TMEM135: variants seen among roughly 807,000 people sequenced by gnomAD.
TMEM135 encodes transmembrane protein 135, also known as peroxisomal membrane protein 52.
Under a neutral mutation model 60.3 loss-of-function variants are expected in TMEM135, and 30 were observed. The observed-to-expected ratio is 0.50, with a 90% confidence interval of 0.37 to 0.68. The LOEUF (loss-of-function observed/expected upper bound fraction) is 0.68, where lower values mean the gene tolerates loss of function less well. Among genes scored for constraint, TMEM135 ranks in the 30% least tolerant of loss-of-function variants. The pLI is 0.00. For synonymous variants in TMEM135, 190 were observed against 186.7 expected (o/e 1.02, Z -0.14); for missense variants, 468 against 548.8 (o/e 0.85, Z 1.47).
intron 1 of TMEM135, among the ~76,000 whole-genome samples, chr11:87,043,633 G>T (rs1220509251): frequency 6.6e-6 from 1 of 151,994 alleles, no homozygotes; most frequent in East Asian, 1.9e-4. Context: ...TGAAGCAGGA[G>T]AATCACTTGA....
At chr11:87,179,343 A>G (rs771200173) in intron 5 of TMEM135, among the ~76,000 whole-genome samples, 1 of 152,086 alleles carries the variant, frequency 6.6e-6, no homozygotes, top group Non-Finnish European at 1.5e-5. Context: ...CACTTTCTAA[A>G]TAGTGCTTTT....
At position 87,225,930 on chromosome 11, in the gene TMEM135, C is replaced by T. The variant is rs1257558113; in HGVS notation, c.463-10708C>T. Among the ~76,000 whole-genome samples, 3 of 152,088 alleles carry T rather than the reference C, an allele frequency of 2.0e-5. No homozygotes were observed. In the South Asian group the frequency reaches 6.3e-4, roughly 32 times the overall value. On this transcript the variant is annotated intron_variant, in intron 5 of 14. Coordinates refer to ENST00000305494, the MANE Select transcript of TMEM135 (RefSeq NM_022918.4). The stretch of plus-strand genomic sequence containing the variant: ...TTATTATTATGAATATTGTTTTATT[C>T]CTCCTCTTTTCTTTTTCTCCATGTT...
intron 5 of TMEM135, among the ~76,000 whole-genome samples, chr11:87,158,752 C>T (rs1476805913): frequency 6.6e-6 from 1 of 152,194 alleles, no homozygotes; most frequent in African/African-American, 2.4e-5. Flanking sequence ...GCGTGAGCCA[C>T]CGCGCCCGGC....
At chr11:87,161,609 CT>C (rs1938883489) in intron 5 of TMEM135, among the ~76,000 whole-genome samples, 2 of 152,020 alleles carry the variant, frequency 1.3e-5, no homozygotes, top group African/African-American at 4.8e-5. Flanking sequence ...CATTTAGTTT[CT>C]TTTTATCAGC....
At chr11:87,070,833 G>A (rs1172590967) in intron 2 of TMEM135, among the ~76,000 whole-genome samples, 1 of 152,146 alleles carries the variant, frequency 6.6e-6, no homozygotes, top group African/African-American at 2.4e-5. Flanking sequence ...AGTTATCAAG[G>A]GTTGTGGAAG....
chr11:87,145,034 G>A (rs1938376013), intron 4 of TMEM135, among the ~76,000 whole-genome samples: 2 of 151,990 alleles, frequency 1.3e-5, no homozygotes, highest in African/African-American at 4.8e-5. Context: ...ACCATGTAGT[G>A]CAATAGTACT....
chr11:87,121,886 C>T (rs1047011517), intron 4 of TMEM135, among the ~76,000 whole-genome samples: 1 of 152,132 alleles, frequency 6.6e-6, no homozygotes, highest in Non-Finnish European at 1.5e-5. Context: ...GTGATGCGCT[C>T]GCCTAAGCCT....
intron 4 of TMEM135, among the ~76,000 whole-genome samples, chr11:87,104,025 G>A (rs1459055706): frequency 1.3e-5 from 2 of 152,060 alleles, no homozygotes; most frequent in Admixed American, 6.6e-5. Flanking sequence ...GTGCCATGAA[G>A]CTTTTGCCCT....
At chr11:87,178,105 T>C (rs576768179) in intron 5 of TMEM135, among the ~76,000 whole-genome samples, 2 of 152,268 alleles carry the variant, frequency 1.3e-5, no homozygotes, top group African/African-American at 2.4e-5. Flanking sequence ...GATTAAATTA[T>C]TGGCCATGTG....
intron 4 of TMEM135, among the ~76,000 whole-genome samples, chr11:87,148,988 C>T (rs1337086962): frequency 2.6e-5 from 4 of 151,370 alleles, no homozygotes; most frequent in African/African-American, 7.3e-5. Flanking sequence ...TTGCTTTAAA[C>T]GTTTTAAAAA....
At chr11:87,042,024 A>G (rs1163763737) in intron 1 of TMEM135, among the ~76,000 whole-genome samples, 1 of 152,240 alleles carries the variant, frequency 6.6e-6, no homozygotes, top group Non-Finnish European at 1.5e-5. Context: ...CTGAAGGTTC[A>G]CCAAAAATCA....
chr11:87,176,134 GC>G (rs1288837145), intron 5 of TMEM135, among the ~76,000 whole-genome samples: 7 of 152,192 alleles, frequency 4.6e-5, no homozygotes, highest in Non-Finnish European at 7.4e-5. Context: ...TGGAGGTGGG[GC>G]CTAATGGGAG....
At chr11:87,301,342 T>C (rs1942445217) in intron 7 of TMEM135, among the ~76,000 whole-genome samples, 1 of 152,044 alleles carries the variant, frequency 6.6e-6, no homozygotes, top group Admixed American at 6.6e-5. Context: ...TAGCCTTTAA[T>C]TCCTAAGCTC....
intron 5 of TMEM135, among the ~76,000 whole-genome samples, chr11:87,210,699 A>G (rs1240057568): frequency 6.6e-6 from 1 of 152,184 alleles, no homozygotes; most frequent in Non-Finnish European, 1.5e-5. Flanking sequence ...GCAACAAAAA[A>G]GGAAAACTTA....
At chr11:87,047,703 G>A (rs903143473) in intron 1 of TMEM135, among the ~76,000 whole-genome samples, 1 of 122,014 alleles carries the variant, frequency 8.2e-6, no homozygotes, top group Non-Finnish European at 1.7e-5. Flanking sequence ...ACAGCAGTCT[G>A]AGATCAAACT....
intron 4 of TMEM135, among the ~76,000 whole-genome samples, chr11:87,126,470 CAATT>C (rs1407658381): frequency 1.3e-5 from 2 of 151,686 alleles, no homozygotes; most frequent in African/African-American, 2.4e-5. Flanking sequence ...ATAATTGAAA[CAATT>C]ACATTAACTT....
intron 5 of TMEM135, among the ~76,000 whole-genome samples, chr11:87,214,593 A>G (rs1940456671): frequency 6.6e-6 from 1 of 151,444 alleles, no homozygotes; most frequent in Admixed American, 6.6e-5. Flanking sequence ...TCTTTTGGCT[A>G]CAGCACCAGG....
intron 4 of TMEM135, among the ~76,000 whole-genome samples, chr11:87,123,359 G>A (rs74344433): frequency 0.1 from 15,680 of 152,106 alleles, 840 homozygotes; most frequent in African/African-American, 0.12. Context: ...GTTTATAGCC[G>A]CATCATTCTA....
intron 1 of TMEM135, among the ~76,000 whole-genome samples, chr11:87,061,066 G>T (rs920637952): frequency 1.3e-5 from 2 of 152,052 alleles, no homozygotes; most frequent in Non-Finnish European, 2.9e-5. Flanking sequence ...AAATAGTTGT[G>T]GGGTAAAGAT....
Sources: allele counts gnomAD v4.1 joint callset (sites outside exome capture counted in the v4.1 genomes callset), GRCh38; gene constraint gnomAD v4.1.1; transcripts MANE v1.5; gene names NCBI Gene and HGNC (gene_info 2026-07-23, HGNC 2026-07-21).